The following AKAP13 variants were observed in gnomAD, a reference collection of about 807,000 sequenced individuals.
The protein encoded by AKAP13 is A-kinase anchoring protein 13, also known as A-kinase anchor protein 13.
AKAP13 carries 80 observed loss-of-function variants against 264.5 expected under a neutral mutation model. The observed-to-expected ratio is 0.30, with a 90% confidence interval of 0.25 to 0.36. The LOEUF (loss-of-function observed/expected upper bound fraction) is 0.36, where lower values mean the gene tolerates loss of function less well. AKAP13 is among the 10% of genes least tolerant of loss of function. The pLI is 1.00. For synonymous variants in AKAP13, 1,380 were observed against 1,250.2 expected, an observed-to-expected ratio of 1.10 and a Z score of -2.19; for missense variants, 3,712 against 3,435.2, an observed-to-expected ratio of 1.08 and a Z score of -2.01.
intron 2 of AKAP13, among the ~76,000 whole-genome samples, chr15:85,486,366 G>A (rs6497209): frequency 0.25 from 37,433 of 151,968 alleles, 4,842 homozygotes; most frequent in African/African-American, 0.33. Context: ...TTTCATCTAG[G>A]AATTGTATAG....
At chr15:85,411,380 G>A (rs1359474132) in intron 1 of AKAP13, among the ~76,000 whole-genome samples, 1 of 152,174 alleles carries the variant, frequency 6.6e-6, no homozygotes, top group Non-Finnish European at 1.5e-5. Flanking sequence ...AGTTCTGCAC[G>A]TGGAAGTATT....
chr15:85,633,535 CTTTTTTTTTTTTTT>C (rs56687591), intron 8 of AKAP13, among the ~76,000 whole-genome samples: 15 of 97,764 alleles, frequency 1.5e-4, no homozygotes, highest in Admixed American at 2.3e-4. Flanking sequence ...CTTTTTTTTT[CTTTTTTTTTTTTTT>C]TTTTTTTTTT....
intron 17 of AKAP13, among the ~76,000 whole-genome samples, chr15:85,705,632 A>G (rs946337621): frequency 2.0e-5 from 3 of 152,212 alleles, no homozygotes; most frequent in Non-Finnish European, 4.4e-5. Context: ...ATTTTTTTTA[A>G]TTTTGAAAAA....
At chr15:85,722,974 A>G (rs2087388959) in intron 25 of AKAP13, 98 bp from the exon 26 acceptor site, 2 of 1,472,252 alleles carry the variant, frequency 1.4e-6, no homozygotes, top group Non-Finnish European at 9.1e-7. Flanking sequence ...CATAGTCACA[A>G]AGGGAAAAGA....
chr15:85,387,950 AT>A (rs1053292761), intron 1 of AKAP13, among the ~76,000 whole-genome samples: 12 of 151,530 alleles, frequency 7.9e-5, no homozygotes, highest in African/African-American at 2.4e-4. Context: ...TTTTTTGTAG[AT>A]TTTTGGAATT....
intron 4 of AKAP13, among the ~76,000 whole-genome samples, chr15:85,541,497 T>G (rs1269432600): frequency 6.6e-6 from 1 of 152,250 alleles, no homozygotes; most frequent in Non-Finnish European, 1.5e-5. Context: ...TTAAACCACA[T>G]TAGTTTAGCT....
chr15:85,440,416 A>C (rs929890996), intron 1 of AKAP13, among the ~76,000 whole-genome samples: 1 of 152,196 alleles, frequency 6.6e-6, no homozygotes, highest in African/African-American at 2.4e-5. Flanking sequence ...TAACTTACTG[A>C]CTGTATTGTA....
chr15:85,703,612 C>G (rs752995787), intron 17 of AKAP13, among the ~76,000 whole-genome samples: 1 of 152,128 alleles, frequency 6.6e-6, no homozygotes, highest in African/African-American at 2.4e-5. Context: ...AAGGCTGAGG[C>G]GGGTGGATCA....
At chr15:85,669,444 A>G (rs950787140) in intron 13 of AKAP13, among the ~76,000 whole-genome samples, 4 of 152,192 alleles carry the variant, frequency 2.6e-5, no homozygotes, top group African/African-American at 9.7e-5. Flanking sequence ...GCTATGAGGG[A>G]TACAGAACCA....
rs905750011 is a variant in AKAP13, at chr15:85,724,646, G to T, written c.6745+1326G>T. ...CAGTTGATACTATTGATGAGGGAAG[G>T]GGGCAAAGAATGGGTTCAAAAACGA... On this transcript the variant is annotated intron_variant, in intron 26 of 36. Transcript: ENST00000394518. The surrounding 1 kb of genome is among the most constrained non-coding windows in gnomAD (Gnocchi z 4.2). Among the ~76,000 whole-genome samples the T allele has an allele frequency of 6.6e-5, 10 of 151,342 alleles. No individual in the cohort carries two copies. Among genetic ancestry groups the T allele is most frequent in the Non-Finnish European group, 1.2e-4 (8 of 67,940 alleles).
At chr15:85,417,865 A>T (rs771328196) in intron 1 of AKAP13, among the ~76,000 whole-genome samples, 1 of 152,186 alleles carries the variant, frequency 6.6e-6, no homozygotes, top group South Asian at 2.1e-4. Context: ...GTCTGGCTCC[A>T]GTCCAGTACT....
At chr15:85,436,454 G>T (rs2073300116) in intron 1 of AKAP13, among the ~76,000 whole-genome samples, 1 of 143,156 alleles carries the variant, frequency 7.0e-6, no homozygotes, top group African/African-American at 2.6e-5. Flanking sequence ...ACTCAGCTCT[G>T]CACCAAGCGG....
chr15:85,394,845 ACTT>A (rs2071037005), intron 1 of AKAP13, among the ~76,000 whole-genome samples: 1 of 152,186 alleles, frequency 6.6e-6, no homozygotes, highest in East Asian at 1.9e-4. Context: ...AAGATATAAA[ACTT>A]AGACTCTTGG....
intron 8 of AKAP13, among the ~76,000 whole-genome samples, chr15:85,637,812 T>C (rs2082128998): frequency 6.6e-6 from 1 of 152,056 alleles, no homozygotes; most frequent in Non-Finnish European, 1.5e-5. Context: ...TATGTGGTGT[T>C]TTAATTTTTA....
At chr15:85,707,205 G>A (rs2086337660) in intron 17 of AKAP13, among the ~76,000 whole-genome samples, 1 of 152,158 alleles carries the variant, frequency 6.6e-6, no homozygotes, top group African/African-American at 2.4e-5. Flanking sequence ...GAACAGTTCT[G>A]TTATGTGACT....
intron 8 of AKAP13, among the ~76,000 whole-genome samples, chr15:85,601,907 T>C (rs1473325617): frequency 2.0e-5 from 3 of 152,050 alleles, no homozygotes; most frequent in Non-Finnish European, 4.4e-5. Context: ...AAATTACTTT[T>C]CTACAAAAAA....
chr15:85,746,981 G>C lies in AKAP13; in HGVS notation c.*2304G>C, dbSNP rs34121119. ...ACAGAGCTTGACATCAATGTTAGAG[G>C]GTCTCTTACTCCCCGCCCAGCTGTG... On this transcript the variant is annotated 3_prime_UTR_variant, in exon 37 of 37. Transcript: ENST00000394518. 6.6e-6 allele frequency: 1 copy of C among 151,996 alleles called. No individual in the cohort carries two copies. Among genetic ancestry groups the C allele is most frequent in the East Asian group, 1.9e-4 (1 of 5,190 alleles). 9.4% of individuals were successfully genotyped at this position (151,996 alleles called of 1,614,324 possible).
intron 1 of AKAP13, among the ~76,000 whole-genome samples, chr15:85,461,965 C>T (rs539128109): frequency 1.3e-5 from 2 of 152,300 alleles, no homozygotes; most frequent in East Asian, 1.9e-4. Context: ...GTTAAACTTG[C>T]ATTCCAGTGT....
At chr15:85,554,825 A>G (rs1236763503) in intron 5 of AKAP13, among the ~76,000 whole-genome samples, 1 of 152,224 alleles carries the variant, frequency 6.6e-6, no homozygotes, top group Non-Finnish European at 1.5e-5. Context: ...AAAGATGGTA[A>G]GGTGAGAGTA....
Sources: allele counts gnomAD v4.1 joint callset (sites outside exome capture counted in the v4.1 genomes callset), GRCh38; gene constraint gnomAD v4.1.1; non-coding constraint Gnocchi (gnomAD v3.1); transcripts MANE v1.5; gene names NCBI Gene and HGNC (gene_info 2026-07-23, HGNC 2026-07-21).